Variants in TRIM24 observed in about 807,000 individuals in gnomAD.
TRIM24 encodes transcription intermediary factor 1-alpha.
In TRIM24, 29 loss-of-function variants were observed where a neutral mutation model predicts 123.9. That is an observed-to-expected ratio of 0.23 (90% confidence interval 0.17 to 0.32). The LOEUF is 0.32. Among genes scored for constraint, TRIM24 ranks in the 10% least tolerant of loss-of-function variants. The pLI is 1.00. For synonymous variants in TRIM24, 456 were observed against 461.1 expected, an observed-to-expected ratio of 0.99 and a Z score of 0.14; for missense variants, 932 against 1,295.3, an observed-to-expected ratio of 0.72 and a Z score of 4.31.
chr7:138,562,920 C>T (rs1797456852), intron 9 of TRIM24, among the ~76,000 whole-genome samples: 1 of 152,078 alleles, frequency 6.6e-6, no homozygotes, highest in African/African-American at 2.4e-5. Context: ...GTAGGTCTCT[C>T]CCCAGCAGGG....
intron 1 of TRIM24, among the ~76,000 whole-genome samples, chr7:138,488,284 CAA>C (rs537327656): frequency 6.9e-6 from 1 of 143,886 alleles, no homozygotes; most frequent in African/African-American, 2.5e-5. Flanking sequence ...TTGATCTTTT[CAA>C]AAAAAAAACA....
At chr7:138,571,188 A>G (rs1797648265) in intron 11 of TRIM24, among the ~76,000 whole-genome samples, 185 bp downstream of exon 11, 1 of 152,072 alleles carries the variant, frequency 6.6e-6, no homozygotes, top group Admixed American at 6.5e-5. Context: ...AAAATTAACC[A>G]GGCATGATAG....
At chr7:138,556,229 T>C (rs896957404) in intron 9 of TRIM24, 4 of 152,188 alleles carry the variant, frequency 2.6e-5, no homozygotes, top group African/African-American at 9.6e-5. Flanking sequence ...GAGATTTTCT[T>C]ATTTTTCTCT....
intron 9 of TRIM24, among the ~76,000 whole-genome samples, chr7:138,566,918 T>C (rs1417733873): frequency 6.6e-6 from 1 of 152,226 alleles, no homozygotes; most frequent in African/African-American, 2.4e-5. Flanking sequence ...ATTGTCTTTG[T>C]TAATCTTGAG....
Position 138,580,626 on chromosome 7 carries a change from G to A in TRIM24, c.2650G>A (p.Ala884Thr). 6.2e-7 allele frequency: 1 copy of A among 1,613,668 alleles called. No individual in the cohort carries two copies. Among genetic ancestry groups the A allele is most frequent in the South Asian group, 1.1e-5 (1 of 91,062 alleles). The change falls in exon 16 of 19, where the codon GCT becomes ACT. Residue 884 changes from alanine (A) to threonine (T), a missense_variant. By Grantham distance (58) the Ala-to-Thr change is moderately conservative. Around this residue, in one of 7 missense-constraint regions of TRIM24, gnomAD observed 45 missense variants for 56.6 expected, o/e 0.80. Coordinates refer to ENST00000343526, the MANE Select transcript of TRIM24 (RefSeq NM_015905.3). ...SKPEVEYDCD[A>T]PSHNSEKKKT... ...ACCAGAAGTTGAATATGATTGTGAT[G>A]CTCCCAGTCACAACTCAGAAAAAAA...
intron 4 of TRIM24, among the ~76,000 whole-genome samples, chr7:138,519,804 C>T (rs1395148880): frequency 6.6e-6 from 1 of 152,140 alleles, no homozygotes; most frequent in Non-Finnish European, 1.5e-5. Flanking sequence ...CTGTATACTT[C>T]ATGTCAACAT....
At chr7:138,514,081 T>A (rs1441560060) in intron 2 of TRIM24, among the ~76,000 whole-genome samples, 1 of 152,180 alleles carries the variant, frequency 6.6e-6, no homozygotes, top group Non-Finnish European at 1.5e-5. Context: ...TATCAAGTGA[T>A]GTTAGAAAGA....
At chr7:138,560,660 A>G (rs1584739235) in intron 9 of TRIM24, among the ~76,000 whole-genome samples, 1 of 152,168 alleles carries the variant, frequency 6.6e-6, no homozygotes, top group African/African-American at 2.4e-5. Context: ...CGTTTTCCTT[A>G]TTATATGAGT....
In TRIM24 at chr7:138,585,826, A is replaced by G; in HGVS notation, c.*875A>G. On this transcript the variant is annotated 3_prime_UTR_variant, in exon 19 of 19. Coordinates refer to ENST00000343526, the MANE Select transcript of TRIM24 (RefSeq NM_015905.3). Reference sequence around the variant, plus strand: ...TAGTGGAACTACCCAAAATATAAATACAGCAGCGTGCACTGTATTTGATGT... The same window carrying G: ...TAGTGGAACTACCCAAAATATAAATGCAGCAGCGTGCACTGTATTTGATGT... 1.9e-6 allele frequency: 1 copy of G among 519,724 alleles called. No individual in the cohort carries two copies. Among genetic ancestry groups the G allele is most frequent in the Non-Finnish European group, 3.8e-6 (1 of 260,326 alleles). 32.2% of individuals were successfully genotyped at this position (519,724 alleles called of 1,614,324 possible).
At chr7:138,461,483 C>A (rs1794970532) in intron 1 of TRIM24, among the ~76,000 whole-genome samples, 1 of 152,182 alleles carries the variant, frequency 6.6e-6, no homozygotes. Context: ...GTTCTCTTCC[C>A]TCTCCTCTGC....
rs1293472177 is a variant in TRIM24 at position 138,567,483 on chromosome 7, A to T, written c.1533A>T (p.Gln511His). 6.3e-7 allele frequency: 1 copy of T among 1,598,094 alleles called. No individual in the cohort carries two copies. Among genetic ancestry groups the T allele is most frequent in the South Asian group, 1.1e-5 (1 of 87,578 alleles). Residue 511 changes from glutamine to histidine, a missense_variant and splice_region_variant, in exon 10 of 19, where the codon CAA (glutamine) becomes CAT (histidine). Around this residue, in one of 7 missense-constraint regions of TRIM24, gnomAD observed 527 missense variants for 691.3 expected, o/e 0.76. Coordinates refer to ENST00000343526, the MANE Select transcript of TRIM24 (RefSeq NM_015905.3). ...PIQQPSISHQ[Q>H]PPPRLINFQN... ...TTGGTTTAATTTCTTTTTTCTAGCA[A>T]CCGCCTCCACGTTTGATAAACTTTC... is the stretch of plus-strand genomic sequence containing the variant.
chr7:138,560,184 C>T (rs900150933), intron 9 of TRIM24, among the ~76,000 whole-genome samples: 38 of 152,108 alleles, frequency 2.5e-4, no homozygotes, highest in African/African-American at 7.2e-4. Context: ...TATAAGTGTC[C>T]AATTCATGTG....
chr7:138,476,032 A>G (rs1430740141), intron 1 of TRIM24, among the ~76,000 whole-genome samples: 1 of 152,152 alleles, frequency 6.6e-6, no homozygotes, highest in Admixed American at 6.5e-5. Context: ...GTGCATGGAT[A>G]TTCATGACAG....
chr7:138,521,108 A>G (rs935509462), intron 4 of TRIM24, among the ~76,000 whole-genome samples: 5 of 152,246 alleles, frequency 3.3e-5, no homozygotes, highest in African/African-American at 1.2e-4. Flanking sequence ...TTCTTTAAAT[A>G]TGAAGGTGGT....
chr7:138,525,033 T>C (rs1029742758), intron 4 of TRIM24, among the ~76,000 whole-genome samples: 1 of 152,132 alleles, frequency 6.6e-6, no homozygotes, highest in Admixed American at 6.5e-5. Flanking sequence ...GTTCTCAAAC[T>C]TTCAAAATAT....
chr7:138,540,810 G>C (rs1007363369), intron 7 of TRIM24, among the ~76,000 whole-genome samples: 5 of 152,218 alleles, frequency 3.3e-5, no homozygotes, highest in African/African-American at 9.6e-5. Context: ...CACTGTGTAT[G>C]GTGGCTATTA....
At chr7:138,548,749 A>C (rs1442809024) in intron 7 of TRIM24, among the ~76,000 whole-genome samples, 1 of 152,174 alleles carries the variant, frequency 6.6e-6, no homozygotes, top group Non-Finnish European at 1.5e-5. Flanking sequence ...CATTGTACAA[A>C]TTCTTCCTTA....
Position 138,519,213 on chromosome 7 carries a change from G to C in TRIM24, c.656G>C (p.Arg219Pro). The C allele has an allele frequency of 6.2e-7, 1 of 1,614,048 alleles. No homozygotes were observed. Among genetic ancestry groups the C allele is most frequent in the Non-Finnish European group, 8.5e-7 (1 of 1,179,982 alleles). ...SPEAVGVTSQ[R>P]PVFCPFHKKE... ...GAGGCAGTTGGTGTCACCAGCCAGC[G>C]ACCAGTGTTTTGTCCTTTTCATAAA... Residue 219 changes from arginine to proline, a missense_variant, in exon 4 of 19, where the codon CGA becomes CCA. Coordinates refer to ENST00000343526, the MANE Select transcript of TRIM24 (RefSeq NM_015905.3).
intron 4 of TRIM24, among the ~76,000 whole-genome samples, chr7:138,520,709 A>G (rs1796488714): frequency 1.3e-5 from 2 of 152,134 alleles, no homozygotes. Context: ...AAAACCCTAA[A>G]AATTACAGTA....
Sources: gnomAD v4.1 joint callset for allele counts (sites outside exome capture counted in the v4.1 genomes callset) on GRCh38, gnomAD v4.1.1 for gene constraint, gnomAD v4.1.1 regional missense constraint, MANE v1.5 for transcripts, NCBI Gene and HGNC (gene_info 2026-07-23, HGNC 2026-07-21) for gene names.